The following BRCA2 variants were observed in gnomAD, a reference collection of about 807,000 sequenced individuals.
The protein encoded by BRCA2 is BRCA2 DNA repair associated, also known as breast cancer type 2 susceptibility protein.
BRCA2 carries 203 observed loss-of-function variants against 276.7 expected under a neutral mutation model. That is an observed-to-expected ratio of 0.73 (90% CI 0.65 to 0.82). The LOEUF is 0.82. Among genes scored for constraint, BRCA2 ranks in the 40% least tolerant of loss-of-function variants. BRCA2 has a pLI of 0.00. For missense variants in BRCA2, 3,920 were observed against 3,915.0 expected, an observed-to-expected ratio of 1.00 and a Z score of -0.03; for synonymous variants, 1,289 against 1,338.4, an observed-to-expected ratio of 0.96 and a Z score of 0.81.
intron 16 of BRCA2, among the ~76,000 whole-genome samples, chr13:32,359,310 TTTCA>T (rs2072723570): frequency 6.6e-6 from 1 of 152,082 alleles, no homozygotes; most frequent in Non-Finnish European, 1.5e-5. Flanking sequence ...TCATGTTTTC[TTTCA>T]TTATATATTT....
intron 3 of BRCA2, among the ~76,000 whole-genome samples, chr13:32,323,995 T>G (rs1185355090): frequency 5.9e-5 from 9 of 152,204 alleles, no homozygotes; most frequent in Admixed American, 5.9e-4. Flanking sequence ...AGAATAGAAA[T>G]TATGTATTAC....
chr13:32,370,898 C>A (rs1044538674), intron 19 of BRCA2, 58 bp from the exon 20 acceptor site: 3 of 1,604,550 alleles, frequency 1.9e-6, no homozygotes, highest in Non-Finnish European at 2.6e-6. Flanking sequence ...TGGCCTGATA[C>A]AATTAACTTG....
At chr13:32,328,977 G>C (rs772454838) in intron 7 of BRCA2, among the ~76,000 whole-genome samples, 14 of 152,126 alleles carry the variant, frequency 9.2e-5, no homozygotes, top group Non-Finnish European at 1.9e-4. Context: ...TAGCAAAATA[G>C]CATTCTGTTT....
chr13:32,322,131 G>A (rs1364416611), intron 3 of BRCA2, among the ~76,000 whole-genome samples: 2 of 152,108 alleles, frequency 1.3e-5, no homozygotes, highest in Admixed American at 6.6e-5. Context: ...AAAATCTCCC[G>A]AGTTCCACCT....
Position 32,396,934 on chromosome 13 carries a change from C to T in BRCA2, c.9538C>T (p.Leu3180Phe), listed in dbSNP as rs200598289. Residue 3180 changes from leucine (L) to phenylalanine (F), a missense_variant, in exon 26 of 27, where the codon CTT (leucine) becomes TTT (phenylalanine). Around this residue, in one of 2 missense-constraint regions of BRCA2, gnomAD observed 657 missense variants for 758.2 expected, o/e 0.87. Transcript: ENST00000380152. ...ACTTTGCAATGAAGCAGAAAACAAGCTTATGCATATACTGCATGCAAATGA... is the reference window on the plus strand; with the variant it reads ...ACTTTGCAATGAAGCAGAAAACAAGTTTATGCATATACTGCATGCAAATGA... Reference protein sequence around the residue: ...DILCNEAENKLMHILHANDPK... With the variant: ...DILCNEAENKFMHILHANDPK... The T allele has an allele frequency of 7.4e-6, 12 of 1,614,074 alleles. No homozygotes were observed. The East Asian group carries it at 2.5e-4, about 33-fold the overall frequency.
At position 32,355,332 on chromosome 13, in the gene BRCA2, A is replaced by C. The variant is rs376268887; in HGVS notation, c.7435+44A>C. ...TGTGATGAATTTTTGCCTTTCAGTT[A>C]GATATTTCCGTTGTTAAATAATGTC... On this transcript the variant is annotated intron_variant, in intron 14 of 26. Transcript: ENST00000380152. 2.3e-5 allele frequency: 37 copies of C among 1,603,468 alleles called. No individual in the cohort carries two copies. In the African/African-American group the frequency reaches 4.5e-4, roughly 20 times the overall value.
At chr13:32,319,500 G>A (rs137867117) in intron 3 of BRCA2, among the ~76,000 whole-genome samples, 175 bp downstream of exon 3, 1 of 152,218 alleles carries the variant, frequency 6.6e-6, no homozygotes, top group East Asian at 1.9e-4. Flanking sequence ...CATAGGTTTG[G>A]ATTAAATTAA....
rs1064793495 is a variant in BRCA2, at chr13:32,338,754, C to T, written c.4399C>T (p.His1467Tyr). The change falls in exon 11 of 27, where the codon CAT (histidine) becomes TAT (tyrosine). Residue 1467 changes from histidine (H) to tyrosine (Y), a missense_variant. Transcript: ENST00000380152. ...LHNFSLNSEL[H>Y]SDIRKNKMDI... ...TAACTTTTCCTTAAATTCTGAATTA[C>T]ATTCTGACATAAGAAAGAACAAAAT... 1 of 1,606,526 alleles carries T rather than the reference C, an allele frequency of 6.2e-7. No individual in the cohort carries two copies. Among genetic ancestry groups the T allele is most frequent in the Non-Finnish European group, 8.5e-7 (1 of 1,175,378 alleles).
At position 32,338,336 on chromosome 13, in the gene BRCA2, C is replaced by T. The variant is rs1555283491; in HGVS notation, c.3981C>T (p.Ala1327=). ...ATGAAGATAACAAATATACTGCTGC[C>T]AGTAGAAATTCTCATAACTTAGAAT... ...TENEDNKYTA[A]SRNSHNLEFD... Residue 1327 remains alanine (A), a synonymous_variant, in exon 11 of 27, where the codon GCC becomes GCT. Transcript: ENST00000380152. 6.3e-7 allele frequency: 1 copy of T among 1,584,048 alleles called. No individual in the cohort carries two copies.
chr13:32,316,110 G>A (rs929044303), intron 1 of BRCA2, among the ~76,000 whole-genome samples: 4 of 151,404 alleles, frequency 2.6e-5, no homozygotes, highest in African/African-American at 9.8e-5. Flanking sequence ...ACCAGGCGGC[G>A]TTGGTCTCTA....
In BRCA2 at chr13:32,398,986, G is replaced by C; in HGVS notation, c.*216G>C. Reference sequence around the variant, plus strand: ...TCAGTTGCATATCTTAAAACTAAATGTAATTTATTAACTAATCAAGAAAAA... The same window carrying C: ...TCAGTTGCATATCTTAAAACTAAATCTAATTTATTAACTAATCAAGAAAAA... On this transcript the variant is annotated 3_prime_UTR_variant, in exon 27 of 27. Coordinates refer to ENST00000380152, the MANE Select transcript of BRCA2 (RefSeq NM_000059.4). 1 of 539,420 alleles carries C rather than the reference G, an allele frequency of 1.9e-6. No homozygotes were observed. The highest frequency in any genetic ancestry group is 3.1e-6 in the Non-Finnish European group (1 of 318,754). The allele number at this position is 539,420 out of a possible 1,614,324, so 33.4% of individuals were successfully genotyped here. A position where few individuals can be genotyped will look rare whatever the true frequency, so the allele number is the denominator to read the frequency against.
In BRCA2 at chr13:32,316,450, C is replaced by T. The variant is rs76874770; in HGVS notation, c.-11C>T. The T allele has an allele frequency of 8.8e-4, 1,413 of 1,610,996 alleles. 13 individuals carry two copies. The African/African-American group carries it at 0.017, about 19-fold the overall frequency. ...TATTTACCAAGCATTGGAGGAATAT[C>T]GTAGGTAAAAATGCCTATTGGATCC... On this transcript the variant is annotated 5_prime_UTR_variant, in exon 2 of 27. Transcript: ENST00000380152.
At chr13:32,364,399 A>G (rs2072767150) in intron 18 of BRCA2, among the ~76,000 whole-genome samples, 1 of 152,126 alleles carries the variant, frequency 6.6e-6, no homozygotes, top group Non-Finnish European at 1.5e-5. Flanking sequence ...TTTAGCTTGT[A>G]CTGCTGTCTT....
In BRCA2 at chr13:32,398,975, T is replaced by G. The variant is rs1566261947; in HGVS notation, c.*205T>G. On this transcript the variant is annotated 3_prime_UTR_variant, in exon 27 of 27. Coordinates refer to ENST00000380152, the MANE Select transcript of BRCA2 (RefSeq NM_000059.4). ...ATACTTTTGCTTCAGTTGCATATCT[T>G]AAAACTAAATGTAATTTATTAACTA... 1.7e-6 allele frequency: 1 copy of G among 576,580 alleles called. No individual in the cohort carries two copies. Among genetic ancestry groups the G allele is most frequent in the Non-Finnish European group, 2.9e-6 (1 of 343,616 alleles). The allele number at this position is 576,580 out of a possible 1,614,324, so 35.7% of individuals were successfully genotyped here. A position where few individuals can be genotyped will look rare whatever the true frequency, so the allele number is the denominator to read the frequency against.
chr13:32,324,954 C>G, intron 3 of BRCA2, 122 bp from the exon 4 acceptor site: 2 of 708,278 alleles, frequency 2.8e-6, no homozygotes, highest in Non-Finnish European at 4.9e-6. Flanking sequence ...CCTCTTCTTA[C>G]AACTCCCTAT....
chr13:32,356,917 G>T (rs1314507426), intron 15 of BRCA2, among the ~76,000 whole-genome samples: 1 of 152,124 alleles, frequency 6.6e-6, no homozygotes, highest in Non-Finnish European at 1.5e-5. Flanking sequence ...ATTCAAATGT[G>T]AATAACTGAT....
In BRCA2 at chr13:32,398,334, T is replaced by C. The variant is rs431825380; in HGVS notation, c.9821T>C (p.Leu3274Ser). 6.2e-7 allele frequency: 1 copy of C among 1,614,180 alleles called. No homozygotes were observed. Residue 3274 changes from leucine (L) to serine (S), a missense_variant, in exon 27 of 27, where the codon TTG (leucine) becomes TCG (serine). By Grantham distance (145) the Leu-to-Ser change is moderately radical. Around this residue, in one of 2 missense-constraint regions of BRCA2, gnomAD observed 657 missense variants for 758.2 expected, o/e 0.87. Transcript: ENST00000380152. Reference protein sequence around the residue: ...NCKKRRALDFLSRLPLPPPVS... With the variant: ...NCKKRRALDFSSRLPLPPPVS... ...AAAAAGAGAAGAGCCTTGGATTTCT[T>C]GAGTAGACTGCCTTTACCTCCACCT...
At chr13:32,347,011 T>C in intron 13 of BRCA2, 115 bp downstream of exon 13, 1 of 717,448 alleles carries the variant, frequency 1.4e-6, no homozygotes, top group East Asian at 2.8e-5. Context: ...ACACTTCCCG[T>C]TTTATAAAAT....
At position 32,370,415 on chromosome 13, in the gene BRCA2, G is replaced by C. The variant is rs749770064; in HGVS notation, c.8345G>C (p.Ser2782Thr). ...TAATTTGTCCAGATTTCTGCTAACA[G>C]TACTCGGCCTGCTCGCTGGTATACC... ...ESLMLKISAN[S>T]TRPARWYTKL... The change falls in exon 19 of 27, where the codon AGT (serine) becomes ACT (threonine). Residue 2782 changes from serine to threonine, a missense_variant. Coordinates refer to ENST00000380152, the MANE Select transcript of BRCA2 (RefSeq NM_000059.4). 2 of 1,613,604 alleles carry C rather than the reference G, an allele frequency of 1.2e-6. No homozygotes were observed. Among genetic ancestry groups the C allele is most frequent in the South Asian group, 2.2e-5 (2 of 91,052 alleles).
Sources: gnomAD v4.1 joint callset for allele counts (sites outside exome capture counted in the v4.1 genomes callset) on GRCh38, gnomAD v4.1.1 for gene constraint, gnomAD v4.1.1 regional missense constraint, MANE v1.5 for transcripts, NCBI Gene and HGNC (gene_info 2026-07-23, HGNC 2026-07-21) for gene names.